Variants in C16orf95 observed in about 807,000 individuals in gnomAD.
The protein encoded by C16orf95 is uncharacterized protein C16orf95.
Under a neutral mutation model 32.1 loss-of-function variants are expected in C16orf95, and 41 were observed. The observed-to-expected ratio is 1.28, with a 90% CI of 1.00 to 1.66. The LOEUF is 1.66. Among genes scored for constraint, C16orf95 ranks in the 40% most tolerant of loss-of-function variants. The probability of loss-of-function intolerance (pLI) is 0.00; values close to 1 mark genes in which losing one functional copy is unlikely to be tolerated. For synonymous variants in C16orf95, 147 were observed against 128.9 expected (o/e 1.14, Z -0.95); for missense variants, 399 against 325.9 (o/e 1.22, Z -1.73).
chr16:87,309,900 T>C (rs976868966), intron 5 of C16orf95, among the ~76,000 whole-genome samples: 1 of 152,234 alleles, frequency 6.6e-6, no homozygotes, highest in Non-Finnish European at 1.5e-5. Context: ...TATATGAATG[T>C]ATGAGTATAT....
At chr16:87,303,615 G>A (rs1910865990) in intron 6 of C16orf95, 1 of 159,282 alleles carries the variant, frequency 6.3e-6, no homozygotes, top group Admixed American at 5.9e-5. Context: ...CTGGGAGCTT[G>A]GCTCAGAAGC....
In C16orf95 at chr16:87,312,516, C is replaced by T. The variant is rs560540212; in HGVS notation, c.331-1220G>A. Among the ~76,000 whole-genome samples the T allele has an allele frequency of 4.8e-5, 7 of 144,872 alleles. No individual in the cohort carries two copies. In the South Asian group the frequency reaches 1.1e-3, roughly 22 times the overall value. ...CCTGGGAGACGGAGTTTGCAGTGAGCCGAAATCATGCCACTGCACTCCAGC... is the reference window on the plus strand; with the variant it reads ...CCTGGGAGACGGAGTTTGCAGTGAGTCGAAATCATGCCACTGCACTCCAGC... On this transcript the variant is annotated intron_variant, in intron 3 of 6. Coordinates refer to ENST00000567970, the MANE Select transcript of C16orf95 (RefSeq NM_001195124.3).
chr16:87,302,940 ATTCTG>A lies in C16orf95; in HGVS notation c.*112_*116del. 9.3e-7 allele frequency: 1 copy of A among 1,078,400 alleles called. No individual in the cohort carries two copies. Among genetic ancestry groups the A allele is most frequent in the Non-Finnish European group, 1.4e-6 (1 of 730,050 alleles). The allele number at this position is 1,078,400 out of a possible 1,614,324, so 66.8% of individuals were successfully genotyped here. On this transcript the variant is annotated 3_prime_UTR_variant, in exon 7 of 7. Coordinates refer to ENST00000567970, the MANE Select transcript of C16orf95 (RefSeq NM_001195124.3). ...CATTTGGGTTGAATCCTGGGTGTGG[ATTCTG>A]TTCTGAGAAGACAGCGACTGTCACA...
At position 87,305,613 on chromosome 16, in the gene C16orf95, AGCCCCAC is replaced by A; in HGVS notation, c.701+99_701+105del. 1.2e-5 allele frequency: 12 copies of A among 1,027,912 alleles called. No homozygotes were observed. The highest frequency in any genetic ancestry group is 1.5e-5 in the Non-Finnish European group (11 of 742,320). 63.7% of individuals were successfully genotyped at this position (1,027,912 alleles called of 1,614,324 possible). Reference sequence around the variant, plus strand: ...CGGGCCTTGGACGCCTGTCAAGTTAAGCCCCACCCCCCACTCTTCCACATCCCTGATG... The same window carrying A: ...CGGGCCTTGGACGCCTGTCAAGTTAACCCCCACTCTTCCACATCCCTGATG... On this transcript the variant is annotated intron_variant, in intron 6 of 6. Coordinates refer to ENST00000567970, the MANE Select transcript of C16orf95 (RefSeq NM_001195124.3). The surrounding 1 kb of genome is among the most constrained non-coding windows in gnomAD (Gnocchi z 4.2).
At chr16:87,309,595 G>C (rs1195531740) in intron 5 of C16orf95, among the ~76,000 whole-genome samples, 1 of 151,794 alleles carries the variant, frequency 6.6e-6, no homozygotes, top group Non-Finnish European at 1.5e-5. Flanking sequence ...TGTTGCCCAG[G>C]CTGGTCTCAA....
At chr16:87,312,291 G>A (rs979397646) in intron 3 of C16orf95, among the ~76,000 whole-genome samples, 4 of 152,164 alleles carry the variant, frequency 2.6e-5, no homozygotes, top group East Asian at 1.9e-4. Flanking sequence ...GAGGAAGGCC[G>A]GGAGCAGTGG....
intron 3 of C16orf95, among the ~76,000 whole-genome samples, chr16:87,311,770 C>A (rs1438926340): frequency 1.3e-5 from 2 of 152,198 alleles, no homozygotes; most frequent in South Asian, 2.1e-4. Flanking sequence ...AGGAATGTGT[C>A]CCATGAGGAT....
In C16orf95 at chr16:87,305,967, G is replaced by T; in HGVS notation, c.515-62C>A. On this transcript the variant is annotated intron_variant, in intron 5 of 6. Transcript: ENST00000567970. The surrounding 1 kb of genome is among the most constrained non-coding windows in gnomAD (Gnocchi z 4.2). ...TTCTCCGGGACTCTGTGAGCCACGA[G>T]GAGGCTGCAACACCAGCCCCAGAGC... 1 of 1,293,294 alleles carries T rather than the reference G, an allele frequency of 7.7e-7. No individual in the cohort carries two copies. Among genetic ancestry groups the T allele is most frequent in the Non-Finnish European group, 1.0e-6 (1 of 1,000,624 alleles). The allele number at this position is 1,293,294 out of a possible 1,614,324, so 80.1% of individuals were successfully genotyped here.
Position 87,302,934 on chromosome 16 carries a change from G to A in C16orf95, c.*123C>T, listed in dbSNP as rs1450844908. ...AGAAATCATTTGGGTTGAATCCTGG[G>A]TGTGGATTCTGTTCTGAGAAGACAG... On this transcript the variant is annotated 3_prime_UTR_variant, in exon 7 of 7. Coordinates refer to ENST00000567970, the MANE Select transcript of C16orf95 (RefSeq NM_001195124.3). 2.0e-6 allele frequency: 2 copies of A among 988,756 alleles called. No homozygotes were observed. The highest frequency in any genetic ancestry group is 1.6e-5 in the African/African-American group (1 of 62,622). 61.2% of individuals were successfully genotyped at this position (988,756 alleles called of 1,614,324 possible).
chr16:87,310,008 T>C (rs994826709), intron 5 of C16orf95, among the ~76,000 whole-genome samples: 2 of 152,118 alleles, frequency 1.3e-5, no homozygotes, highest in African/African-American at 2.4e-5. Flanking sequence ...ATAAAACCAC[T>C]TGAGGTCTCA....
In C16orf95 at chr16:87,311,286, G is replaced by A. The variant is rs754130342; in HGVS notation, c.341C>T (p.Thr114Met). The change falls in exon 4 of 7, where the codon ACG becomes ATG. Residue 114 changes from threonine (T) to methionine (M), a missense_variant. Coordinates refer to ENST00000567970, the MANE Select transcript of C16orf95 (RefSeq NM_001195124.3). Reference protein sequence around the residue: ...SLRPRKQSQKTVQFPIPQTAK... With the variant: ...SLRPRKQSQKMVQFPIPQTAK... ...GGTTTGGGGGATAGGAAATTGAACC[G>A]TCTTTTGACTCTAACAGAGAGGATG... The A allele has an allele frequency of 2.2e-5, 33 of 1,532,946 alleles. No homozygotes were observed. Among genetic ancestry groups the A allele is most frequent in the African/African-American group, 5.5e-5 (4 of 73,008 alleles). The allele number at this position is 1,532,946 out of a possible 1,614,324, so 95.0% of individuals were successfully genotyped here.
At chr16:87,308,726 A>G (rs1445668380) in intron 5 of C16orf95, among the ~76,000 whole-genome samples, 1 of 152,208 alleles carries the variant, frequency 6.6e-6, no homozygotes. Flanking sequence ...TCCTGTTACA[A>G]TTCTTCAAAG....
chr16:87,306,180 C>T (rs1421819164), intron 5 of C16orf95: 4 of 300,286 alleles, frequency 1.3e-5, no homozygotes, highest in Non-Finnish European at 2.4e-5. Flanking sequence ...CTAGCTGGGA[C>T]TTGTTTCCAA....
intron 3 of C16orf95, among the ~76,000 whole-genome samples, chr16:87,312,677 C>G (rs893559738): frequency 3.3e-5 from 5 of 151,630 alleles, no homozygotes; most frequent in African/African-American, 1.2e-4. Context: ...CAACACTGTA[C>G]TGAAAGGTCT....
intron 2 of C16orf95, among the ~76,000 whole-genome samples, chr16:87,315,380 T>C (rs1206330267): frequency 6.6e-6 from 1 of 152,192 alleles, no homozygotes; most frequent in Non-Finnish European, 1.5e-5. Flanking sequence ...CCTCTGAAAA[T>C]GGGCATGTAC....
chr16:87,303,233 G>A, intron 6 of C16orf95, 158 bp from the exon 7 acceptor site: 2 of 703,058 alleles, frequency 2.8e-6, no homozygotes, highest in South Asian at 3.3e-5. Context: ...GTGCAGGGAT[G>A]AGGGGTGGGG....
At chr16:87,315,194 G>C in intron 2 of C16orf95, 98 bp from the exon 3 acceptor site, 1 of 1,291,944 alleles carries the variant, frequency 7.7e-7, no homozygotes, top group Non-Finnish European at 1.0e-6. Context: ...CAGGAAGATG[G>C]TGTCCGGGGG....
chr16:87,303,179 G>T, intron 6 of C16orf95, 104 bp from the exon 7 acceptor site: 2 of 1,103,116 alleles, frequency 1.8e-6, no homozygotes, highest in Non-Finnish European at 1.3e-6. Context: ...AGGCAGAGGC[G>T]CTCCACAGTG....
At chr16:87,307,799 CTTTG>C (rs1185859128) in intron 5 of C16orf95, among the ~76,000 whole-genome samples, 1 of 152,096 alleles carries the variant, frequency 6.6e-6, no homozygotes, top group Non-Finnish European at 1.5e-5. Flanking sequence ...AAAATATCAA[CTTTG>C]TTTCTCAACA....
Sources: gnomAD v4.1 joint callset for allele counts (sites outside exome capture counted in the v4.1 genomes callset) on GRCh38, gnomAD v4.1.1 for gene constraint, Gnocchi (gnomAD v3.1) non-coding constraint, MANE v1.5 for transcripts, NCBI Gene and HGNC (gene_info 2026-07-23, HGNC 2026-07-21) for gene names.